The following GBE1 variants were observed in gnomAD, a reference collection of about 807,000 sequenced individuals.
GBE1 encodes 1,4-alpha-glucan branching enzyme 1, also known as 1,4-alpha-glucan-branching enzyme.
A neutral mutation model predicts 88.8 loss-of-function variants in GBE1; 70 were observed. The observed-to-expected ratio is 0.79, with a 90% CI of 0.65 to 0.96. The LOEUF is 0.96. Among genes scored for constraint, GBE1 ranks in the 40% least tolerant of loss-of-function variants. The pLI is 0.00. For synonymous variants in GBE1, 284 were observed against 300.1 expected (o/e 0.95, Z 0.56); for missense variants, 872 against 871.0 (o/e 1.00, Z -0.01).
intron 7 of GBE1, among the ~76,000 whole-genome samples, chr3:81,639,490 G>T (rs1559672448): frequency 6.6e-6 from 1 of 151,874 alleles, no homozygotes; most frequent in African/African-American, 2.4e-5. Flanking sequence ...GTTGTGTGTG[G>T]TTAAAATTAC....
chr3:81,760,245 T>G (rs1393085229), intron 1 of GBE1, among the ~76,000 whole-genome samples: 1 of 152,228 alleles, frequency 6.6e-6, no homozygotes, highest in African/African-American at 2.4e-5. Flanking sequence ...TTCACATCCC[T>G]TACAATCCCT....
intron 7 of GBE1, among the ~76,000 whole-genome samples, chr3:81,640,208 T>C (rs1704651243): frequency 1.3e-5 from 2 of 151,958 alleles, no homozygotes; most frequent in South Asian, 4.1e-4. Flanking sequence ...GATATGTCTG[T>C]AAGGGTGTTG....
intron 1 of GBE1, among the ~76,000 whole-genome samples, chr3:81,731,039 G>GA (rs35589067): frequency 1.3e-5 from 2 of 152,132 alleles, no homozygotes; most frequent in East Asian, 3.9e-4. Flanking sequence ...TTTTAACCCT[G>GA]AAAAAAGGTA....
chr3:81,570,563 C>A (rs184962164), intron 12 of GBE1, among the ~76,000 whole-genome samples: 1 of 152,282 alleles, frequency 6.6e-6, no homozygotes, highest in East Asian at 1.9e-4. Context: ...TTAACGCCTG[C>A]CTACTTTTTA....
In GBE1 at chr3:81,750,605, A is replaced by G. The variant is rs1188837036; in HGVS notation, c.143+10770T>C. On this transcript the variant is annotated intron_variant, in intron 1 of 15. Transcript: ENST00000429644. ...TATATATACGTATATATATATGTGT[A>G]TATATATATATGTATATATATATAC... Among the ~76,000 whole-genome samples, 99 of 35,530 alleles carry G rather than the reference A, an allele frequency of 2.8e-3. 9 individuals are homozygous for G. The highest frequency in any genetic ancestry group is 0.02 in the East Asian group (7 of 348). The allele number at this position is 35,530 out of a possible 152,430, so 23.3% of individuals were successfully genotyped here.
At chr3:81,588,468 T>C (rs376179900) in intron 9 of GBE1, among the ~76,000 whole-genome samples, 12 of 152,290 alleles carry the variant, frequency 7.9e-5, no homozygotes, top group African/African-American at 2.6e-4. Context: ...TATTAAGGCA[T>C]GTTCTGTATC....
intron 1 of GBE1, among the ~76,000 whole-genome samples, chr3:81,722,203 T>C (rs1173608626): frequency 6.6e-6 from 1 of 152,178 alleles, no homozygotes; most frequent in Non-Finnish European, 1.5e-5. Context: ...GTATCACAGA[T>C]ATTATGTATG....
At chr3:81,509,912 A>AT (rs1702702489) in intron 14 of GBE1, among the ~76,000 whole-genome samples, 1 of 151,956 alleles carries the variant, frequency 6.6e-6, no homozygotes, top group African/African-American at 2.4e-5. Context: ...AAAATCCTTC[A>AT]TTTTGGATAA....
At chr3:81,613,818 T>G (rs964033460) in intron 7 of GBE1, among the ~76,000 whole-genome samples, 1 of 152,192 alleles carries the variant, frequency 6.6e-6, no homozygotes, top group African/African-American at 2.4e-5. Context: ...ATTATGTTCT[T>G]GTTTATTTTT....
At chr3:81,551,044 C>T (rs1451874594) in intron 12 of GBE1, among the ~76,000 whole-genome samples, 5 of 152,140 alleles carry the variant, frequency 3.3e-5, no homozygotes, top group African/African-American at 1.2e-4. Flanking sequence ...TGTTTTAAAA[C>T]AAAATGCTTT....
chr3:81,750,562 T>TGTATATATATATACGTATATATATAC (rs1559708412), intron 1 of GBE1, among the ~76,000 whole-genome samples: 6 of 80,922 alleles, frequency 7.4e-5, no homozygotes, highest in Admixed American at 1.4e-4. Context: ...TATATATATA[T>TGTATATATATATACGTATATATATAC]GTATATATAT....
At chr3:81,694,830 C>T (rs900929974) in intron 2 of GBE1, among the ~76,000 whole-genome samples, 3 of 152,098 alleles carry the variant, frequency 2.0e-5, no homozygotes, top group African/African-American at 7.2e-5. Context: ...TCCTTTGTAG[C>T]CAGACTAGCT....
intron 5 of GBE1, among the ~76,000 whole-genome samples, chr3:81,648,121 C>G (rs993073240): frequency 1.3e-5 from 2 of 152,042 alleles, no homozygotes; most frequent in African/African-American, 4.8e-5. Flanking sequence ...AAAACTTTAA[C>G]CATGCCTTAC....
At chr3:81,508,617 T>C (rs991283991) in intron 14 of GBE1, among the ~76,000 whole-genome samples, 2 of 152,034 alleles carry the variant, frequency 1.3e-5, no homozygotes, top group Non-Finnish European at 2.9e-5. Context: ...CCAAACAAAC[T>C]TACTCTGGGA....
At chr3:81,560,369 GTC>G (rs1703400313) in intron 12 of GBE1, among the ~76,000 whole-genome samples, 1 of 151,876 alleles carries the variant, frequency 6.6e-6, no homozygotes, top group South Asian at 2.1e-4. Flanking sequence ...ATATCTAACT[GTC>G]TTCTTGTTTA....
At chr3:81,626,753 AAAT>A (rs1704422573) in intron 7 of GBE1, among the ~76,000 whole-genome samples, 1 of 151,610 alleles carries the variant, frequency 6.6e-6, no homozygotes, top group African/African-American at 2.4e-5. Context: ...AAAAAAAAAA[AAAT>A]CTCTTCTATG....
chr3:81,585,228 AG>A (rs1703786809), intron 10 of GBE1, among the ~76,000 whole-genome samples: 1 of 152,124 alleles, frequency 6.6e-6, no homozygotes, highest in African/African-American at 2.4e-5. Context: ...CAAATTGCCC[AG>A]GGGGACAGGA....
rs776526697 is a variant in GBE1, at chr3:81,581,209, G to A, written c.1402C>T (p.Arg468Cys). The A allele has an allele frequency of 1.4e-5, 22 of 1,605,762 alleles. No individual in the cohort carries two copies. Among genetic ancestry groups the A allele is most frequent in the Non-Finnish European group, 1.7e-5 (20 of 1,176,454 alleles). ...GDIVYTLTNR[R>C]YLEKCIAYAE... ...TAAGCAATGCACTTTTCAAGGTAGC[G>A]CCTGTTTGTGAGCGTGTATACTATA... Residue 468 changes from arginine (R) to cysteine (C), a missense_variant, in exon 11 of 16, where the codon CGC (arginine) becomes TGC (cysteine). Physicochemically the swap from Arg to Cys is radical, Grantham distance 180. Transcript: ENST00000429644.
intron 7 of GBE1, among the ~76,000 whole-genome samples, chr3:81,630,804 A>G (rs547423188): frequency 6.6e-6 from 1 of 152,330 alleles, no homozygotes; most frequent in African/African-American, 2.4e-5. Context: ...TACTTTAAAC[A>G]TGTAATCAGT....
Sources: allele counts gnomAD v4.1 joint callset (sites outside exome capture counted in the v4.1 genomes callset), GRCh38; gene constraint gnomAD v4.1.1; transcripts MANE v1.5; gene names NCBI Gene and HGNC (gene_info 2026-07-23, HGNC 2026-07-21).